TNC: variants seen among roughly 807,000 people sequenced by gnomAD.
The protein encoded by TNC is tenascin.
A neutral mutation model predicts 202.4 loss-of-function variants in TNC; 109 were observed. The observed-to-expected ratio is 0.54, with a 90% CI of 0.46 to 0.63. The LOEUF is 0.63. TNC is among the 30% of genes least tolerant of loss of function. The probability of loss-of-function intolerance (pLI) is 0.00; values close to 1 mark genes in which losing one functional copy is unlikely to be tolerated. For missense variants in TNC, 2,756 were observed against 2,833.3 expected, an observed-to-expected ratio of 0.97 and a Z score of 0.62; for synonymous variants, 1,007 against 1,089.7, an observed-to-expected ratio of 0.92 and a Z score of 1.50.
intron 27 of TNC, among the ~76,000 whole-genome samples, chr9:115,021,644 G>GGT (rs148139348): frequency 4.6e-4 from 69 of 151,600 alleles, no homozygotes; most frequent in African/African-American, 1.4e-3. Context: ...CTACATACAT[G>GGT]GTGTGTGTGT....
chr9:115,086,113 C>T lies in TNC; in HGVS notation c.1618G>A (p.Gly540Ser), dbSNP rs144406273. The part of the protein sequence containing the change: ...LSCPNDCHGQ[G>S]RCVNGQCVCH... The stretch of plus-strand genomic sequence containing the variant: ...ACGCACTGCCCATTCACACAGCGAC[C>T]CTGGCCATGGCAGTCATTTGGACAG... The change falls in exon 3 of 28, where the codon GGT becomes AGT. Residue 540 changes from glycine (G) to serine (S), a missense_variant. Gly to Ser is a moderately conservative substitution (Grantham distance 56). Transcript: ENST00000350763. 1.8e-5 allele frequency: 29 copies of T among 1,613,774 alleles called. No individual in the cohort carries two copies. The highest frequency in any genetic ancestry group is 2.5e-5 in the Non-Finnish European group (29 of 1,179,748).
chr9:115,072,723 A>T (rs1339766336), intron 10 of TNC, among the ~76,000 whole-genome samples: 1 of 152,222 alleles, frequency 6.6e-6, no homozygotes, highest in South Asian at 2.1e-4. Flanking sequence ...TTCCTCAAAT[A>T]TCAGTACGGT....
At chr9:115,076,950 T>A (rs2133164855) in intron 7 of TNC, among the ~76,000 whole-genome samples, 2 of 152,328 alleles carry the variant, frequency 1.3e-5, no homozygotes, top group South Asian at 4.1e-4. Context: ...CAGGCTGGAG[T>A]GTGTTGGTGC....
chr9:115,057,019 G>GC (rs2132435793), intron 15 of TNC, 134 bp downstream of exon 15: 1 of 1,060,390 alleles, frequency 9.4e-7, no homozygotes, highest in African/African-American at 1.6e-5. Context: ...ATGTTAAACA[G>GC]CACCCCAGCC....
chr9:115,071,166 G>A lies in TNC; in HGVS notation c.3214+2437C>T, dbSNP rs906284435. ...ATGGTGATAGTATTTTATTGACTGA[G>A]TGAATGCAGAAGGCTTTAAAAGTTA... On this transcript the variant is annotated intron_variant, in intron 10 of 27. Coordinates refer to ENST00000350763, the MANE Select transcript of TNC (RefSeq NM_002160.4). 1.7e-4 allele frequency among the ~76,000 whole-genome samples: 26 copies of A among 152,226 alleles called. 5 individuals are homozygous for A. Among genetic ancestry groups the A allele is most frequent in the Admixed American group, 1.7e-3 (26 of 15,282 alleles).
At position 115,021,218 on chromosome 9, in the gene TNC, G is replaced by A. The variant is rs756920588; in HGVS notation, c.6545C>T (p.Ala2182Val). 1 of 1,613,238 alleles carries A rather than the reference G, an allele frequency of 6.2e-7. No individual in the cohort carries two copies. The highest frequency in any genetic ancestry group is 1.7e-5 in the Admixed American group (1 of 59,884). ...WKGHEHSIQF[A>V]EMKLRPSNFR... ...GTTGCTTGGTCTCAGCTTCATCTCAGCAAACTGGATTGAGTGTTCGTGGCC... is the reference window on the plus strand; with the variant it reads ...GTTGCTTGGTCTCAGCTTCATCTCAACAAACTGGATTGAGTGTTCGTGGCC... The change falls in exon 28 of 28, where the codon GCT becomes GTT. Residue 2182 changes from alanine to valine, a missense_variant. Around this residue, in one of 2 missense-constraint regions of TNC, gnomAD observed 197 missense variants for 287.3 expected, o/e 0.69. Transcript: ENST00000350763.
chr9:115,075,990 C>A (rs752955066), intron 9 of TNC, 42 bp downstream of exon 9: 1 of 1,571,904 alleles, frequency 6.4e-7, no homozygotes, highest in South Asian at 1.1e-5. Context: ...CTCATCTGCC[C>A]AGCACCAGCT....
At chr9:115,058,918 T>C (rs552104095) in intron 14 of TNC, among the ~76,000 whole-genome samples, 6 of 152,236 alleles carry the variant, frequency 3.9e-5, no homozygotes, top group Admixed American at 1.3e-4. Context: ...TAAACTATAA[T>C]GCACCCTCCT....
At chr9:115,060,102 A>G (rs1832435323) in intron 13 of TNC, 100 bp from the exon 14 acceptor site, 3 of 1,316,162 alleles carry the variant, frequency 2.3e-6, no homozygotes, top group Non-Finnish European at 3.0e-6. Flanking sequence ...AAGGGGAAAG[A>G]TAATTTTTTT....
intron 10 of TNC, among the ~76,000 whole-genome samples, chr9:115,065,193 C>T (rs1456647847): frequency 6.6e-6 from 1 of 151,972 alleles, no homozygotes; most frequent in Non-Finnish European, 1.5e-5. Flanking sequence ...GTCAGGGGTT[C>T]GAGACCAGCC....
rs1446365820 is a variant in TNC, at chr9:115,072,019, A to G, written c.3214+1584T>C. 5.9e-5 allele frequency among the ~76,000 whole-genome samples: 9 copies of G among 152,144 alleles called. 1 individual carries two copies. Among genetic ancestry groups the G allele is most frequent in the African/African-American group, 2.2e-4 (9 of 41,430 alleles). On this transcript the variant is annotated intron_variant, in intron 10 of 27. Coordinates refer to ENST00000350763, the MANE Select transcript of TNC (RefSeq NM_002160.4). ...AATTGACCACGTAAACTCATTTCAG[A>G]CTCTGGCAGGGACTGCTCATTGTCT...
intron 4 of TNC, among the ~76,000 whole-genome samples, chr9:115,083,912 G>A (rs1448704076): frequency 6.6e-6 from 1 of 152,142 alleles, no homozygotes; most frequent in African/African-American, 2.4e-5. Context: ...GCCAAATGAG[G>A]ACTCTTATAC....
chr9:115,097,869 T>C (rs1156492376), intron 1 of TNC, among the ~76,000 whole-genome samples: 2 of 152,156 alleles, frequency 1.3e-5, no homozygotes, highest in Non-Finnish European at 2.9e-5. Flanking sequence ...AGAAGCCATA[T>C]TGGGAAGGAT....
Position 115,081,823 on chromosome 9 carries a change from T to C in TNC, c.2353A>G (p.Ile785Val). The change falls in exon 6 of 28, where the codon ATA (isoleucine) becomes GTA (valine). Residue 785 changes from isoleucine to valine, a missense_variant. Transcript: ENST00000350763. ...PGQEYEISLHIVKNNTRGPGL... is the reference protein window; with the variant it reads ...PGQEYEISLHVVKNNTRGPGL... ...GGGCCCCGGGTATTGTTTTTCACTA[T>C]GTGCAGAGATATCTCATACTCTTGC... 6.2e-7 allele frequency: 1 copy of C among 1,612,586 alleles called. No individual in the cohort carries two copies.
rs752107364 is a variant in TNC at position 115,064,100 on chromosome 9, C to T, written c.3488-32G>A. 3.9e-6 allele frequency: 6 copies of T among 1,552,420 alleles called. No homozygotes were observed. The South Asian group carries it at 7.4e-5, about 19-fold the overall frequency. ...AAGGACAAAGAACTAGTTTAGTGAT[C>T]AAATCACACAACAAGATCCAGGGAA... On this transcript the variant is annotated intron_variant, in intron 11 of 27. Transcript: ENST00000350763.
At chr9:115,091,766 C>T (rs1032916604) in intron 1 of TNC, among the ~76,000 whole-genome samples, 8 of 152,176 alleles carry the variant, frequency 5.3e-5, no homozygotes, top group Non-Finnish European at 8.8e-5. Flanking sequence ...TAATCCCAGC[C>T]GAGCTTCTTA....
At position 115,048,541 on chromosome 9, in the gene TNC, A is replaced by G. The variant is rs1344507631; in HGVS notation, c.4580-9T>C. 6.2e-7 allele frequency: 1 copy of G among 1,606,298 alleles called. No homozygotes were observed. The highest frequency in any genetic ancestry group is 1.1e-5 in the South Asian group (1 of 90,746). ...CAGAAGGGGCAGGGCCTCTGAAAGAAGGGAGGAGTGAAAATAACTCAGGTT... is the reference window on the plus strand; with the variant it reads ...CAGAAGGGGCAGGGCCTCTGAAAGAGGGGAGGAGTGAAAATAACTCAGGTT... On this transcript the variant is annotated splice_polypyrimidine_tract_variant and intron_variant, in intron 15 of 27. Coordinates refer to ENST00000350763, the MANE Select transcript of TNC (RefSeq NM_002160.4).
chr9:115,104,094 G>A (rs1376986845), intron 1 of TNC, among the ~76,000 whole-genome samples: 1 of 152,174 alleles, frequency 6.6e-6, no homozygotes, highest in East Asian at 1.9e-4. Flanking sequence ...AATAAAAAGT[G>A]GTTCTGGACA....
rs1554718203 is a variant in TNC, at chr9:115,087,702, T to TTC, written c.458-430_458-429insGA. Among the ~76,000 whole-genome samples, 57 of 127,374 alleles carry TTC rather than the reference T, an allele frequency of 4.5e-4. 1 individual carries two copies. The highest frequency in any genetic ancestry group is 2.4e-3 in the Admixed American group (30 of 12,544). 83.6% of individuals were successfully genotyped at this position (127,374 alleles called of 152,430 possible). A position where few individuals can be genotyped will look rare whatever the true frequency, so the allele number is the denominator to read the frequency against. On this transcript the variant is annotated intron_variant, in intron 2 of 27. Coordinates refer to ENST00000350763, the MANE Select transcript of TNC (RefSeq NM_002160.4). The stretch of plus-strand genomic sequence containing the variant: ...ATGTTACTATTTCTTTCTTTTCTTT[T>TTC]TTTTTTTTTTTTTTTTTGAGACAGA...
Sources: allele counts gnomAD v4.1 joint callset (sites outside exome capture counted in the v4.1 genomes callset), GRCh38; gene constraint gnomAD v4.1.1; regional missense constraint gnomAD v4.1.1; transcripts MANE v1.5; gene names NCBI Gene and HGNC (gene_info 2026-07-23, HGNC 2026-07-21).